Variants in LYRM4 observed in about 807,000 individuals in gnomAD.
LYRM4 encodes LYR motif-containing protein 4.
LYRM4 carries 9 observed loss-of-function variants against 11.7 expected under a neutral mutation model. The ratio of observed to expected loss-of-function variants is 0.77; its 90% CI spans 0.46 to 1.34. The LOEUF is 1.34. Among genes scored for constraint, LYRM4 ranks in the 40% most tolerant of loss-of-function variants. The pLI is 0.00. For missense variants in LYRM4, 133 were observed against 112.5 expected, an observed-to-expected ratio of 1.18 and a Z score of -0.82; for synonymous variants, 42 against 40.4, an observed-to-expected ratio of 1.04 and a Z score of -0.15.
the LYRM4 span, among the ~76,000 whole-genome samples, chr6:5,039,391 T>C: frequency 6.6e-6 from 1 of 152,118 alleles, no homozygotes; most frequent in Admixed American, 6.5e-5. Context: ...GAAAGTTAAA[T>C]AGTATGTGTT....
intron 1 of LYRM4, among the ~76,000 whole-genome samples, chr6:5,219,964 G>GT (rs1464026276): frequency 6.6e-6 from 1 of 152,200 alleles, no homozygotes; most frequent in African/African-American, 2.4e-5. Flanking sequence ...CACAGAAACA[G>GT]TGAGGTGATG....
At chr6:5,066,446 T>G in the LYRM4 span, 6 of 756,900 alleles carry the variant, frequency 7.9e-6, no homozygotes, top group Non-Finnish European at 1.5e-5. Context: ...AAGGAACTGC[T>G]TCTATTCCCA....
intron 2 of LYRM4, among the ~76,000 whole-genome samples, chr6:5,130,345 C>T (rs1763895538): frequency 6.6e-6 from 1 of 152,200 alleles, no homozygotes; most frequent in African/African-American, 2.4e-5. Context: ...CTTTATCTGC[C>T]AAGCAGGGGC....
At position 5,108,692 on chromosome 6, in the gene LYRM4, G is replaced by A. The variant is rs1762743540; in HGVS notation, c.*731C>T. 1 of 788,904 alleles carries A rather than the reference G, an allele frequency of 1.3e-6. No homozygotes were observed. The highest frequency in any genetic ancestry group is 1.9e-5 in the African/African-American group (1 of 53,420). The allele number at this position is 788,904 out of a possible 1,614,324, so 48.9% of individuals were successfully genotyped here. ...CCCCAGGCTTCAGGGTATGGGAGTC[G>A]CCCTGGGCTTGGGTCAGGCTGGGGC... On this transcript the variant is annotated 3_prime_UTR_variant, in exon 3 of 3. Transcript: ENST00000330636.
chr6:5,171,869 C>A (rs984740453), intron 2 of LYRM4, among the ~76,000 whole-genome samples: 19 of 152,064 alleles, frequency 1.2e-4, no homozygotes, highest in South Asian at 4.1e-4. Flanking sequence ...TGAAGGGATA[C>A]GGGAAGAATT....
At chr6:5,240,832 C>T (rs960483395) in intron 1 of LYRM4, 2 of 152,212 alleles carry the variant, frequency 1.3e-5, no homozygotes, top group Non-Finnish European at 2.9e-5. Flanking sequence ...CACTGAAACA[C>T]CAGCAGCGCC....
intron 1 of LYRM4, among the ~76,000 whole-genome samples, chr6:5,226,414 T>G (rs1279451116): frequency 1.3e-5 from 2 of 152,198 alleles, no homozygotes; most frequent in African/African-American, 4.8e-5. Context: ...GATGGAGTTT[T>G]GCTCTTGTTG....
At chr6:5,213,508 G>A (rs916759953) in intron 2 of LYRM4, among the ~76,000 whole-genome samples, 1 of 152,232 alleles carries the variant, frequency 6.6e-6, no homozygotes, top group African/African-American at 2.4e-5. Flanking sequence ...CCTCACTGGT[G>A]GAACCGTGAA....
chr6:5,098,529 C>T, the LYRM4 span, among the ~76,000 whole-genome samples: 1 of 152,216 alleles, frequency 6.6e-6, no homozygotes, highest in East Asian at 1.9e-4. Context: ...CAGAACAACC[C>T]CATGATCCGA....
intron 2 of LYRM4, among the ~76,000 whole-genome samples, chr6:5,154,884 C>T (rs1488763234): frequency 6.6e-6 from 1 of 152,004 alleles, no homozygotes; most frequent in Non-Finnish European, 1.5e-5. Context: ...GTAACTTCAC[C>T]CAAATTACAC....
At chr6:5,160,257 G>A (rs1168079029) in intron 2 of LYRM4, among the ~76,000 whole-genome samples, 1 of 152,100 alleles carries the variant, frequency 6.6e-6, no homozygotes, top group Non-Finnish European at 1.5e-5. Flanking sequence ...CAACTCCCTT[G>A]GATTGGTTAC....
chr6:5,199,337 CTGA>C (rs1428462137), intron 2 of LYRM4, among the ~76,000 whole-genome samples: 1 of 152,088 alleles, frequency 6.6e-6, no homozygotes, highest in East Asian at 1.9e-4. Flanking sequence ...AGAAAGTAGA[CTGA>C]TGATTGGCTA....
intron 1 of LYRM4, among the ~76,000 whole-genome samples, chr6:5,222,963 GAACA>G (rs1273264308): frequency 1.3e-5 from 2 of 152,096 alleles, no homozygotes; most frequent in African/African-American, 4.8e-5. Context: ...TAATAAGTGT[GAACA>G]AACTGAACTG....
At chr6:5,209,169 C>G (rs1761859836) in intron 2 of LYRM4, among the ~76,000 whole-genome samples, 1 of 152,192 alleles carries the variant, frequency 6.6e-6, no homozygotes, top group Admixed American at 6.5e-5. Flanking sequence ...TTTTGGCTCA[C>G]TGCAACTTCC....
chr6:5,115,949 C>T (rs1763099450), intron 2 of LYRM4, among the ~76,000 whole-genome samples: 3 of 152,282 alleles, frequency 2.0e-5, no homozygotes, highest in African/African-American at 7.2e-5. Flanking sequence ...AGTTCCCCTA[C>T]ATGAGCATCG....
At chr6:5,083,782 C>T in the LYRM4 span, among the ~76,000 whole-genome samples, 8 of 152,336 alleles carry the variant, frequency 5.3e-5, no homozygotes, top group South Asian at 1.7e-3. Flanking sequence ...TTCTGCCAAA[C>T]CATGACATGT....
chr6:5,095,743 C>A, the LYRM4 span, among the ~76,000 whole-genome samples: 1 of 151,882 alleles, frequency 6.6e-6, no homozygotes, highest in African/African-American at 2.4e-5. Context: ...TTTGGAAGGC[C>A]GAGAGGCAGG....
intron 2 of LYRM4, among the ~76,000 whole-genome samples, chr6:5,180,302 C>T (rs17139710): frequency 0.025 from 3,816 of 152,268 alleles, 149 homozygotes; most frequent in African/African-American, 0.086. Flanking sequence ...GAACATCTTC[C>T]TAAGCGTGTG....
the LYRM4 span, among the ~76,000 whole-genome samples, chr6:5,095,846 G>T: frequency 4.6e-5 from 7 of 152,248 alleles, 1 homozygote; most frequent in South Asian, 1.5e-3. Context: ...CAGGCGTGGT[G>T]GCTCACCCCT....
Sources: allele counts gnomAD v4.1 joint callset (sites outside exome capture counted in the v4.1 genomes callset), GRCh38; gene constraint gnomAD v4.1.1; transcripts MANE v1.5; gene names NCBI Gene and HGNC (gene_info 2026-07-23, HGNC 2026-07-21).